Variants in STX6 observed in about 807,000 individuals in gnomAD.
STX6 encodes the protein syntaxin 6, also known as syntaxin-6.
Under a neutral mutation model 38.0 loss-of-function variants are expected in STX6, and 23 were observed. The ratio of observed to expected loss-of-function variants is 0.60; its 90% CI spans 0.43 to 0.86. The LOEUF is 0.86. STX6 is among the 40% of genes least tolerant of loss of function. The probability of loss-of-function intolerance (pLI) is 0.00; values close to 1 mark genes in which losing one functional copy is unlikely to be tolerated. For missense variants in STX6, 274 were observed against 312.9 expected (o/e 0.88, Z 0.94); for synonymous variants, 123 against 107.5 (o/e 1.14, Z -0.89).
At chr1:180,995,139 T>A (rs916439657) in intron 3 of STX6, among the ~76,000 whole-genome samples, 1 of 151,984 alleles carries the variant, frequency 6.6e-6, no homozygotes, top group Non-Finnish European at 1.5e-5. Context: ...ATTTTCCTAT[T>A]TTTAGTAGAG....
intron 6 of STX6, 106 bp from the exon 7 acceptor site, chr1:180,984,877 C>T (rs966093936): frequency 2.0e-6 from 1 of 497,194 alleles, no homozygotes; most frequent in Middle Eastern, 3.6e-4. Context: ...ACAAAATAGG[C>T]AACACTGGGT....
At chr1:181,006,042 A>T (rs1168786802) in intron 1 of STX6, among the ~76,000 whole-genome samples, 1 of 152,166 alleles carries the variant, frequency 6.6e-6, no homozygotes, top group African/African-American at 2.4e-5. Context: ...ATTAAGCAAT[A>T]CCATATACCA....
intron 3 of STX6, among the ~76,000 whole-genome samples, chr1:180,999,583 A>G (rs1307104197): frequency 6.6e-6 from 1 of 152,170 alleles, no homozygotes; most frequent in Non-Finnish European, 1.5e-5. Flanking sequence ...AAACAAGGAA[A>G]GCTTACTAAA....
intron 4 of STX6, among the ~76,000 whole-genome samples, chr1:180,990,418 C>G (rs962035005): frequency 6.6e-6 from 1 of 152,150 alleles, no homozygotes; most frequent in Non-Finnish European, 1.5e-5. Context: ...GAAAAGCATT[C>G]AATCTCTTGT....
At chr1:180,988,185 G>C in intron 6 of STX6, 54 bp downstream of exon 6, 1 of 1,347,996 alleles carries the variant, frequency 7.4e-7, no homozygotes, top group South Asian at 1.2e-5. Flanking sequence ...GGGTGTCATA[G>C]GATGGCTCTG....
At chr1:181,009,443 T>C (rs1387764331) in intron 1 of STX6, among the ~76,000 whole-genome samples, 1 of 135,428 alleles carries the variant, frequency 7.4e-6, no homozygotes. Context: ...CACTCCAATC[T>C]GGGTGACAGA....
At chr1:180,976,785 C>A (rs1287756617) in intron 7 of STX6, 139 bp from the exon 8 acceptor site, 1 of 737,626 alleles carries the variant, frequency 1.4e-6, no homozygotes, top group South Asian at 1.7e-5. Context: ...TTACACCTGC[C>A]TAGGTGCCTG....
At chr1:180,994,411 T>TA (rs1655841747) in intron 3 of STX6, among the ~76,000 whole-genome samples, 1 of 152,236 alleles carries the variant, frequency 6.6e-6, no homozygotes, top group African/African-American at 2.4e-5. Flanking sequence ...CACTGATGTC[T>TA]ACTATGTGGC....
intron 1 of STX6, among the ~76,000 whole-genome samples, chr1:181,019,342 G>C (rs1405532084): frequency 7.3e-6 from 1 of 136,692 alleles, no homozygotes; most frequent in African/African-American, 2.8e-5. Context: ...GTGTAGGCTG[G>C]AAATACAGAG....
chr1:180,980,012 G>C (rs2102299963), intron 7 of STX6, among the ~76,000 whole-genome samples: 2 of 152,204 alleles, frequency 1.3e-5, no homozygotes, highest in South Asian at 2.1e-4. Flanking sequence ...TTCAAGACCA[G>C]CCTGGCCAAC....
At position 181,020,604 on chromosome 1, in the gene STX6, C is replaced by A. The variant is rs115293314; in HGVS notation, c.35+2035G>T. 9.2e-3 allele frequency among the ~76,000 whole-genome samples: 1,404 copies of A among 152,226 alleles called. 20 individuals are homozygous for A. The highest frequency in any genetic ancestry group is 0.032 in the African/African-American group (1,348 of 41,528). ...TAAGCATCCAGGTAAGAGAGACAGGCCTGATTATCTAAATTCTGCCCATCT... is the reference window on the plus strand; with the variant it reads ...TAAGCATCCAGGTAAGAGAGACAGGACTGATTATCTAAATTCTGCCCATCT... On this transcript the variant is annotated intron_variant, in intron 1 of 7. Coordinates refer to ENST00000258301, the MANE Select transcript of STX6 (RefSeq NM_005819.6).
At position 180,973,774 on chromosome 1, in the gene STX6, A is replaced by T. The variant is rs948760781; in HGVS notation, c.*2796T>A. 1.3e-5 allele frequency: 2 copies of T among 152,398 alleles called. No individual in the cohort carries two copies. Among genetic ancestry groups the T allele is most frequent in the Non-Finnish European group, 2.9e-5 (2 of 68,048 alleles). 9.4% of individuals were successfully genotyped at this position (152,398 alleles called of 1,614,324 possible). A position where few individuals can be genotyped will look rare whatever the true frequency, so the allele number is the denominator to read the frequency against. On this transcript the variant is annotated 3_prime_UTR_variant, in exon 8 of 8. Transcript: ENST00000258301. Reference sequence around the variant, plus strand: ...AAAACTAAAGGTAGCTGAGTTTTTCAGATGGATTTTCACTCTGGCAAACTC... The same window carrying T: ...AAAACTAAAGGTAGCTGAGTTTTTCTGATGGATTTTCACTCTGGCAAACTC...
chr1:180,976,744 G>GT, intron 7 of STX6, 98 bp from the exon 8 acceptor site: 1 of 1,128,088 alleles, frequency 8.9e-7, no homozygotes, highest in Non-Finnish European at 1.3e-6. Flanking sequence ...GCAGAAAAGG[G>GT]GCAGAACGTG....
chr1:181,006,155 C>T (rs970995401), intron 1 of STX6, among the ~76,000 whole-genome samples: 8 of 152,050 alleles, frequency 5.3e-5, no homozygotes, highest in Admixed American at 1.3e-4. Flanking sequence ...CTCCACCTCC[C>T]GGGTTCAAGT....
In STX6 at chr1:180,972,914, C is replaced by G. The variant is rs1279182124; in HGVS notation, c.*3656G>C. The G allele has an allele frequency of 3.6e-6, 1 of 277,772 alleles. No homozygotes were observed. The highest frequency in any genetic ancestry group is 7.0e-6 in the Non-Finnish European group (1 of 141,986). 17.2% of individuals were successfully genotyped at this position (277,772 alleles called of 1,614,324 possible). On this transcript the variant is annotated 3_prime_UTR_variant, in exon 8 of 8. Transcript: ENST00000258301. ...GGAGAGAAAGAAAAGAAAGACCACC[C>G]CCTATTAGAAGCAAAGGCCCTGGGA...
chr1:180,977,292 C>A (rs79705422), intron 7 of STX6, among the ~76,000 whole-genome samples: 3,962 of 152,284 alleles, frequency 0.026, 171 homozygotes, highest in African/African-American at 0.091. Flanking sequence ...GAACAGCAGG[C>A]ACAGGAAACA....
In STX6 at chr1:181,022,793, G is replaced by C; in HGVS notation, c.-120C>G. On this transcript the variant is annotated 5_prime_UTR_variant, in exon 1 of 8. Coordinates refer to ENST00000258301, the MANE Select transcript of STX6 (RefSeq NM_005819.6). ...CCCGCGCCTTAGTCTGGGTGAAGCCGAGCAGCGGGCACGCGCACAGGCCAG... is the reference window on the plus strand; with the variant it reads ...CCCGCGCCTTAGTCTGGGTGAAGCCCAGCAGCGGGCACGCGCACAGGCCAG... The C allele has an allele frequency of 9.9e-7, 1 of 1,013,606 alleles. No individual in the cohort carries two copies. The highest frequency in any genetic ancestry group is 1.5e-6 in the Non-Finnish European group (1 of 680,656). The allele number at this position is 1,013,606 out of a possible 1,614,324, so 62.8% of individuals were successfully genotyped here.
rs769812844 is a variant in STX6 at position 181,005,443 on chromosome 1, T to C, written c.56A>G (p.Asn19Ser). ...TCTCTGAAACAATCCCTGGGCAGTG[T>C]TGACTGCTTTCTGTACCTCTCTGTA... Reference protein sequence around the residue: ...VVKGEVQKAVNTAQGLFQRWT... With the variant: ...VVKGEVQKAVSTAQGLFQRWT... The change falls in exon 2 of 8, where the codon AAC becomes AGC. Residue 19 changes from asparagine (N) to serine (S), a missense_variant. Transcript: ENST00000258301. The C allele has an allele frequency of 5.8e-5, 93 of 1,613,728 alleles. No homozygotes were observed. The highest frequency in any genetic ancestry group is 1.3e-4 in the African/African-American group (10 of 74,912).
intron 5 of STX6, chr1:180,989,313 G>A (rs1655680289): frequency 6.6e-6 from 1 of 151,878 alleles, no homozygotes. Flanking sequence ...GAAACAAGGT[G>A]AAACCCCGTC....
Sources: allele counts gnomAD v4.1 joint callset (sites outside exome capture counted in the v4.1 genomes callset), GRCh38; gene constraint gnomAD v4.1.1; transcripts MANE v1.5; gene names NCBI Gene and HGNC (gene_info 2026-07-23, HGNC 2026-07-21).